The following RORA variants were observed in gnomAD, a reference collection of about 807,000 sequenced individuals.
RORA encodes nuclear receptor ROR-alpha.
Under a neutral mutation model 69.5 loss-of-function variants are expected in RORA, and 7 were observed. The ratio of observed to expected loss-of-function variants is 0.10; its 90% CI spans 0.06 to 0.19. RORA has a LOEUF of 0.19. RORA is among the 10% of genes least tolerant of loss of function. RORA has a pLI of 1.00. For missense variants in RORA, 457 were observed against 663.0 expected (o/e 0.69, Z 3.41); for synonymous variants, 261 against 240.8 (o/e 1.08, Z -0.78).
intron 1 of RORA, among the ~76,000 whole-genome samples, chr15:61,179,339 G>A (rs2079660873): frequency 1.3e-5 from 2 of 152,220 alleles, no homozygotes; most frequent in Admixed American, 1.3e-4. Context: ...TGCAGAAGCA[G>A]AGCTGGGAAT....
intron 1 of RORA, among the ~76,000 whole-genome samples, chr15:61,056,954 G>T (rs1349429440): frequency 6.6e-6 from 1 of 152,190 alleles, no homozygotes; most frequent in Non-Finnish European, 1.5e-5. Context: ...ACCATGAAAA[G>T]GCGATGCCTT....
intron 1 of RORA, among the ~76,000 whole-genome samples, chr15:61,145,895 C>A (rs2140868472): frequency 6.6e-6 from 1 of 152,134 alleles, no homozygotes; most frequent in Middle Eastern, 3.4e-3. Flanking sequence ...TATATGAATC[C>A]CACAGAAAGA....
At chr15:60,655,011 G>A (rs770357283) in intron 2 of RORA, among the ~76,000 whole-genome samples, 7 of 152,084 alleles carry the variant, frequency 4.6e-5, no homozygotes, top group East Asian at 1.9e-4. Flanking sequence ...CATAGGAAAC[G>A]AATACACTTG....
intron 1 of RORA, among the ~76,000 whole-genome samples, chr15:60,757,700 G>C (rs909058802): frequency 8.5e-5 from 13 of 152,160 alleles, no homozygotes; most frequent in African/African-American, 3.1e-4. Flanking sequence ...CTGGCACATA[G>C]AAAGTGCCCA....
chr15:61,097,400 G>A (rs1364745058), intron 1 of RORA, among the ~76,000 whole-genome samples: 1 of 152,112 alleles, frequency 6.6e-6, no homozygotes, highest in African/African-American at 2.4e-5. Context: ...TTCTGGCCTT[G>A]CCTCTTTCTC....
chr15:60,766,998 A>G (rs1431084083), intron 1 of RORA, among the ~76,000 whole-genome samples: 2 of 152,204 alleles, frequency 1.3e-5, no homozygotes, highest in Admixed American at 6.5e-5. Flanking sequence ...CTGGCAGCCC[A>G]CAGGTTGTGT....
At chr15:61,218,175 T>TG (rs2080058492) in intron 1 of RORA, among the ~76,000 whole-genome samples, 2 of 148,296 alleles carry the variant, frequency 1.3e-5, no homozygotes, top group Non-Finnish European at 1.5e-5. Flanking sequence ...CATGAAATGT[T>TG]TGTGTGTGTG....
intron 1 of RORA, among the ~76,000 whole-genome samples, chr15:60,805,288 C>G (rs1335624076): frequency 6.6e-5 from 10 of 152,184 alleles, no homozygotes; most frequent in Non-Finnish European, 1.5e-4. Flanking sequence ...GTCATTTGAA[C>G]CAGAAACAAC....
chr15:60,830,104 A>G (rs1402521006), intron 1 of RORA, among the ~76,000 whole-genome samples: 1 of 152,250 alleles, frequency 6.6e-6, no homozygotes, highest in Non-Finnish European at 1.5e-5. Flanking sequence ...TTTTGTAGAA[A>G]ATATCTACTT....
chr15:60,881,208 C>T (rs1158641714), intron 1 of RORA, among the ~76,000 whole-genome samples: 1 of 152,240 alleles, frequency 6.6e-6, no homozygotes, highest in Non-Finnish European at 1.5e-5. Context: ...CCCACTGCCA[C>T]ACCACACCCC....
intron 3 of RORA, among the ~76,000 whole-genome samples, chr15:60,522,774 A>G (rs2066213076): frequency 6.7e-6 from 1 of 149,964 alleles, no homozygotes; most frequent in South Asian, 2.1e-4. Context: ...GTGTCTTAAA[A>G]AAAAAAAAAA....
intron 1 of RORA, among the ~76,000 whole-genome samples, chr15:60,938,056 G>A (rs1892578702): frequency 6.6e-6 from 1 of 152,120 alleles, no homozygotes; most frequent in Non-Finnish European, 1.5e-5. Context: ...TTTGAACCTA[G>A]GTTTTTAGGT....
chr15:61,227,967 G>C (rs1380831904), intron 1 of RORA, among the ~76,000 whole-genome samples: 1 of 152,140 alleles, frequency 6.6e-6, no homozygotes, highest in Non-Finnish European at 1.5e-5. Context: ...TCAAGAAAGA[G>C]TGAGCTTTCC....
intron 3 of RORA, among the ~76,000 whole-genome samples, chr15:60,515,597 G>C (rs978152436): frequency 2.0e-5 from 3 of 151,974 alleles, no homozygotes; most frequent in African/African-American, 7.3e-5. Flanking sequence ...TTTCCTTTTA[G>C]TGATGTTTTA....
At chr15:61,049,236 T>C (rs1897184591) in intron 1 of RORA, among the ~76,000 whole-genome samples, 1 of 152,178 alleles carries the variant, frequency 6.6e-6, no homozygotes, top group African/African-American at 2.4e-5. Context: ...AGGAGACAGA[T>C]GTATTAAACC....
intron 1 of RORA, among the ~76,000 whole-genome samples, chr15:60,717,483 T>C (rs891027806): frequency 2.0e-5 from 3 of 152,170 alleles, no homozygotes; most frequent in African/African-American, 7.2e-5. Context: ...GTAATACCTA[T>C]AGCATGTAAT....
At chr15:60,983,235 G>T (rs1200508353) in intron 1 of RORA, among the ~76,000 whole-genome samples, 1 of 152,150 alleles carries the variant, frequency 6.6e-6, no homozygotes, top group Non-Finnish European at 1.5e-5. Flanking sequence ...CAACTGACCA[G>T]CATTAACAAT....
At chr15:61,109,180 G>C (rs1210699240) in intron 1 of RORA, among the ~76,000 whole-genome samples, 7 of 152,146 alleles carry the variant, frequency 4.6e-5, no homozygotes, top group Non-Finnish European at 1.0e-4. Flanking sequence ...TGGTGACAGA[G>C]CAAGACTTCC....
At chr15:60,542,989 C>T (rs1265942317) in intron 2 of RORA, among the ~76,000 whole-genome samples, 1 of 151,118 alleles carries the variant, frequency 6.6e-6, no homozygotes, top group East Asian at 1.9e-4. Flanking sequence ...ATACACCTCA[C>T]CCCCCACCCC....
Sources: gnomAD v4.1 joint callset for allele counts (sites outside exome capture counted in the v4.1 genomes callset) on GRCh38, gnomAD v4.1.1 for gene constraint, MANE v1.5 for transcripts, NCBI Gene and HGNC (gene_info 2026-07-23, HGNC 2026-07-21) for gene names.